HMBOX1: variants seen among roughly 807,000 people sequenced by gnomAD.
HMBOX1 encodes the protein homeobox-containing protein 1.
HMBOX1 carries 14 observed loss-of-function variants against 54.5 expected under a neutral mutation model. The ratio of observed to expected loss-of-function variants is 0.26; its 90% confidence interval spans 0.17 to 0.40. HMBOX1 has a LOEUF of 0.40. Ranked by LOEUF, HMBOX1 falls within the 10% of genes least tolerant of loss-of-function variation. The pLI, the probability that HMBOX1 is intolerant of heterozygous loss-of-function variation, is 1.00. For missense variants in HMBOX1, 332 were observed against 514.4 expected (o/e 0.65, Z 3.43); for synonymous variants, 160 against 181.0 (o/e 0.88, Z 0.93).
At chr8:28,925,011 AT>A (rs879340697) in intron 1 of HMBOX1, among the ~76,000 whole-genome samples, 5,299 of 130,756 alleles carry the variant, frequency 0.041, 193 homozygotes, top group African/African-American at 0.11. Flanking sequence ...CCTATTAGTG[AT>A]TTTTTTTTTT....
At chr8:28,962,175 C>T (rs1825725031) in intron 1 of HMBOX1, among the ~76,000 whole-genome samples, 1 of 152,104 alleles carries the variant, frequency 6.6e-6, no homozygotes, top group South Asian at 2.1e-4. Flanking sequence ...TCTCCTCTGC[C>T]AGAAGAGCTT....
chr8:28,925,952 A>T (rs904125056), intron 1 of HMBOX1, among the ~76,000 whole-genome samples: 2 of 152,180 alleles, frequency 1.3e-5, no homozygotes, highest in Non-Finnish European at 2.9e-5. Flanking sequence ...TATTTACTCA[A>T]AGCATAAACA....
intron 1 of HMBOX1, among the ~76,000 whole-genome samples, chr8:28,925,015 T>G (rs946518178): frequency 6.6e-6 from 1 of 151,976 alleles, no homozygotes; most frequent in African/African-American, 2.4e-5. Flanking sequence ...TTAGTGATTT[T>G]TTTTTTTTTA....
chr8:28,895,844 T>C (rs1812001314), intron 1 of HMBOX1, among the ~76,000 whole-genome samples: 1 of 152,222 alleles, frequency 6.6e-6, no homozygotes, highest in African/African-American at 2.4e-5. Context: ...TGTTCTCTTA[T>C]TTCATATCTT....
At chr8:29,007,103 A>G (rs1051812850) in intron 4 of HMBOX1, among the ~76,000 whole-genome samples, 1 of 151,798 alleles carries the variant, frequency 6.6e-6, no homozygotes, top group Admixed American at 6.6e-5. Context: ...AGCCTGGCCA[A>G]CACAGTGAAA....
chr8:28,946,343 C>T (rs1441329282), intron 1 of HMBOX1, among the ~76,000 whole-genome samples: 5 of 151,630 alleles, frequency 3.3e-5, no homozygotes, highest in African/African-American at 9.7e-5. Context: ...CCAAGGTGGG[C>T]GGATCACTTG....
rs568319018 is a variant in HMBOX1 at position 28,962,723 on chromosome 8, T to G, written c.-57-1088T>G. 2.6e-5 allele frequency among the ~76,000 whole-genome samples: 4 copies of G among 152,318 alleles called. No homozygotes were observed. In the East Asian group the frequency reaches 7.7e-4, roughly 29 times the overall value. ...CTAATCCTCAAATAACAGCCAGATT[T>G]CACTCTAAGAAATCTTCCTAGTTCT... is the stretch of plus-strand genomic sequence containing the variant. On this transcript the variant is annotated intron_variant, in intron 1 of 9. Coordinates refer to ENST00000287701, the MANE Select transcript of HMBOX1 (RefSeq NM_001135726.3).
At chr8:28,917,120 T>C (rs1323986679) in intron 1 of HMBOX1, among the ~76,000 whole-genome samples, 1 of 151,520 alleles carries the variant, frequency 6.6e-6, no homozygotes, top group Non-Finnish European at 1.5e-5. Flanking sequence ...AAAGATCTTC[T>C]AGAATTTTTA....
chr8:28,942,098 T>A (rs1010919135), intron 1 of HMBOX1, among the ~76,000 whole-genome samples: 1 of 152,144 alleles, frequency 6.6e-6, no homozygotes, highest in African/African-American at 2.4e-5. Context: ...AATGCTGTCT[T>A]TAGTGCTTCA....
chr8:28,987,690 C>T (rs568032895), intron 4 of HMBOX1, among the ~76,000 whole-genome samples: 57 of 152,228 alleles, frequency 3.7e-4, no homozygotes, highest in Non-Finnish European at 7.5e-4. Context: ...AGATGTAACA[C>T]TATATTTAGT....
chr8:28,945,799 A>G (rs561269349), intron 1 of HMBOX1, among the ~76,000 whole-genome samples: 23 of 152,130 alleles, frequency 1.5e-4, no homozygotes, highest in Admixed American at 1.0e-3. Context: ...TCATGGGGAA[A>G]AGGTTTTTTT....
chr8:29,045,014 A>G (rs568826486), intron 6 of HMBOX1, among the ~76,000 whole-genome samples: 2 of 152,370 alleles, frequency 1.3e-5, no homozygotes, highest in South Asian at 2.1e-4. Context: ...TTCCATATCA[A>G]TGACATCTTT....
chr8:28,990,819 A>G (rs1441774427), intron 4 of HMBOX1, among the ~76,000 whole-genome samples: 2 of 151,928 alleles, frequency 1.3e-5, no homozygotes, highest in East Asian at 3.9e-4. Flanking sequence ...ACACCTGGCT[A>G]ATTTTTGTAT....
rs967687854 is a variant in HMBOX1, at chr8:28,970,617, T to C, written c.500+98T>C. On this transcript the variant is annotated intron_variant, in intron 3 of 9. Coordinates refer to ENST00000287701, the MANE Select transcript of HMBOX1 (RefSeq NM_001135726.3). The surrounding 1 kb of genome is among the most constrained non-coding windows in gnomAD (Gnocchi z 4.3). ...GTTTCAGCTACTTAGCTATAAGAAC[T>C]GTAACTTCCTCTAGCTATAAGAACT... The C allele has an allele frequency of 5.3e-5, 38 of 717,858 alleles. No homozygotes were observed. The highest frequency in any genetic ancestry group is 1.5e-4 in the Admixed American group (6 of 40,242). 44.5% of individuals were successfully genotyped at this position (717,858 alleles called of 1,614,324 possible). A position where few individuals can be genotyped will look rare whatever the true frequency, so the allele number is the denominator to read the frequency against.
In HMBOX1 at chr8:28,970,430, C is replaced by T; in HGVS notation, c.411C>T (p.Tyr137=). The T allele has an allele frequency of 6.2e-7, 1 of 1,614,098 alleles. No homozygotes were observed. The change falls in exon 3 of 10, where the codon TAC becomes TAT. Residue 137 remains tyrosine, a synonymous_variant. Transcript: ENST00000287701. This position sits in a 1 kb window ranked among gnomAD's most constrained non-coding sequence, Gnocchi z 4.3. ...ATGGAAAGATGTCACCAACTCGCTACCATGCAAACAGCATGGGTCAGAGGT... is the reference window on the plus strand; with the variant it reads ...ATGGAAAGATGTCACCAACTCGCTATCATGCAAACAGCATGGGTCAGAGGT... ...TSNGKMSPTR[Y]HANSMGQRSY... is the part of the protein sequence containing the mutation.
At chr8:28,919,567 G>A (rs1817184515) in intron 1 of HMBOX1, among the ~76,000 whole-genome samples, 1 of 152,238 alleles carries the variant, frequency 6.6e-6, no homozygotes, top group East Asian at 1.9e-4. Flanking sequence ...ACAGTGGATT[G>A]TTTATTAGCT....
At chr8:28,919,993 G>A (rs1817257273) in intron 1 of HMBOX1, among the ~76,000 whole-genome samples, 1 of 152,002 alleles carries the variant, frequency 6.6e-6, no homozygotes, top group Non-Finnish European at 1.5e-5. Flanking sequence ...GTGTGTGTGT[G>A]TGTGTGTGTT....
At position 29,051,251 on chromosome 8, in the gene HMBOX1, G is replaced by A; in HGVS notation, c.*96G>A. Reference sequence around the variant, plus strand: ...AACATGTGTTCTTACAGTATAACTTGCAGTTTCTTGTATGTCAGGTAGCTG... The same window carrying A: ...AACATGTGTTCTTACAGTATAACTTACAGTTTCTTGTATGTCAGGTAGCTG... On this transcript the variant is annotated 3_prime_UTR_variant, in exon 10 of 10. Coordinates refer to ENST00000287701, the MANE Select transcript of HMBOX1 (RefSeq NM_001135726.3). 7.3e-7 allele frequency: 1 copy of A among 1,376,950 alleles called. No individual in the cohort carries two copies. Among genetic ancestry groups the A allele is most frequent in the Non-Finnish European group, 1.0e-6 (1 of 998,716 alleles). The allele number at this position is 1,376,950 out of a possible 1,614,324, so 85.3% of individuals were successfully genotyped here.
intron 1 of HMBOX1, among the ~76,000 whole-genome samples, chr8:28,950,860 A>T (rs968616740): frequency 6.6e-6 from 1 of 152,162 alleles, no homozygotes; most frequent in African/African-American, 2.4e-5. Flanking sequence ...AAAAGTAGGG[A>T]ACATAATTGA....
Sources: gnomAD v4.1 joint callset for allele counts (sites outside exome capture counted in the v4.1 genomes callset) on GRCh38, gnomAD v4.1.1 for gene constraint, Gnocchi (gnomAD v3.1) non-coding constraint, MANE v1.5 for transcripts, NCBI Gene and HGNC (gene_info 2026-07-23, HGNC 2026-07-21) for gene names.